FGF7: variants seen among roughly 807,000 people sequenced by gnomAD.
The protein encoded by FGF7 is FGF-7.
In FGF7, 6 loss-of-function variants were observed where a neutral mutation model predicts 20.5. That is an observed-to-expected ratio of 0.29 (90% CI 0.16 to 0.58). The LOEUF (loss-of-function observed/expected upper bound fraction) is 0.58. Among genes scored for constraint, FGF7 ranks in the 20% least tolerant of loss-of-function variants. The probability of loss-of-function intolerance (pLI) is 0.90; values close to 1 mark genes in which losing one functional copy is unlikely to be tolerated. For missense variants in FGF7, 144 were observed against 228.8 expected (o/e 0.63, Z 2.39); for synonymous variants, 64 against 74.7 (o/e 0.86, Z 0.74).
At chr15:49,427,637 A>AG (rs2050240339) in intron 2 of FGF7, among the ~76,000 whole-genome samples, 1 of 152,100 alleles carries the variant, frequency 6.6e-6, no homozygotes, top group South Asian at 2.1e-4. Flanking sequence ...TTTTCTCATG[A>AG]CTTTTTTTTG....
chr15:49,451,776 G>A (rs1316571657), intron 2 of FGF7, among the ~76,000 whole-genome samples: 1 of 152,072 alleles, frequency 6.6e-6, no homozygotes, highest in Non-Finnish European at 1.5e-5. Flanking sequence ...CACTTGTTAA[G>A]TAAGTTTTAA....
chr15:49,451,153 A>C (rs79150760), intron 2 of FGF7, among the ~76,000 whole-genome samples: 2,142 of 152,218 alleles, frequency 0.014, 31 homozygotes, highest in Non-Finnish European at 0.017. Flanking sequence ...TTGTTTCCAA[A>C]ATATTAACTA....
At chr15:49,437,793 T>C (rs1178621351) in intron 2 of FGF7, among the ~76,000 whole-genome samples, 2 of 151,706 alleles carry the variant, frequency 1.3e-5, no homozygotes, top group African/African-American at 2.4e-5. Flanking sequence ...ATTCAGCCTA[T>C]GTGTGGATAC....
Position 49,470,570 on chromosome 15 carries a change from C to T in FGF7, c.287-12581C>T, listed in dbSNP as rs139567411. 9.8e-3 allele frequency among the ~76,000 whole-genome samples: 1,486 copies of T among 152,232 alleles called. 26 individuals are homozygous for T. The highest frequency in any genetic ancestry group is 0.034 in the African/African-American group (1,406 of 41,516). On this transcript the variant is annotated intron_variant, in intron 2 of 3. Coordinates refer to ENST00000267843, the MANE Select transcript of FGF7 (RefSeq NM_002009.4). ...TAGCATCCCCTTAACTTTTATGATA[C>T]CTTAATTCTCAAAATGACCTGTGTT...
chr15:49,481,718 T>C (rs1168559015), intron 2 of FGF7, among the ~76,000 whole-genome samples: 1 of 152,236 alleles, frequency 6.6e-6, no homozygotes, highest in African/African-American at 2.4e-5. Flanking sequence ...AGTAGGGTTG[T>C]ATGCATTGTG....
chr15:49,480,609 G>A (rs1408244551), intron 2 of FGF7, among the ~76,000 whole-genome samples: 2 of 151,502 alleles, frequency 1.3e-5, no homozygotes, highest in Admixed American at 6.6e-5. Flanking sequence ...AGCCTCCTGA[G>A]TAGCTGGGAT....
intron 2 of FGF7, among the ~76,000 whole-genome samples, chr15:49,425,849 G>A (rs1000156155): frequency 2.0e-5 from 3 of 151,626 alleles, no homozygotes; most frequent in Admixed American, 2.0e-4. Context: ...AAGGTATCAT[G>A]TTAGTTCTAG....
intron 2 of FGF7, among the ~76,000 whole-genome samples, chr15:49,479,869 C>A (rs2055762615): frequency 6.6e-6 from 1 of 152,174 alleles, no homozygotes; most frequent in African/African-American, 2.4e-5. Flanking sequence ...CCGCGTTGGC[C>A]TCCCAAAGTG....
At chr15:49,474,898 CCT>C (rs371891318) in intron 2 of FGF7, among the ~76,000 whole-genome samples, 119 of 152,232 alleles carry the variant, frequency 7.8e-4, no homozygotes, top group African/African-American at 2.7e-3. Flanking sequence ...GCTCCCGTCC[CCT>C]GACTGTTGGT....
intron 2 of FGF7, among the ~76,000 whole-genome samples, chr15:49,428,594 G>A (rs1356815205): frequency 1.3e-5 from 2 of 151,960 alleles, no homozygotes; most frequent in East Asian, 3.9e-4. Flanking sequence ...TTGAGGTGCC[G>A]AGTGAGAGAA....
chr15:49,479,504 CTT>C (rs892359673), intron 2 of FGF7, among the ~76,000 whole-genome samples: 69 of 150,776 alleles, frequency 4.6e-4, no homozygotes, highest in African/African-American at 1.6e-3. Flanking sequence ...TGGTAACTAA[CTT>C]AATATCTGCA....
chr15:49,429,596 A>G (rs998275780), intron 2 of FGF7, among the ~76,000 whole-genome samples: 4 of 151,908 alleles, frequency 2.6e-5, no homozygotes, highest in African/African-American at 9.7e-5. Context: ...AGATATATTG[A>G]AAGGGTTGCC....
rs894195630 is a variant in FGF7 at position 49,423,419 on chromosome 15, C to A, written c.-288C>A. ...CAACAGACATGGAATTCTTATATAT[C>A]CAGCTGTTAGCAACAAAACAAGTAA... On this transcript the variant is annotated 5_prime_UTR_variant, in exon 1 of 4. Transcript: ENST00000267843. The A allele has an allele frequency of 2.0e-5, 3 of 152,136 alleles. No individual in the cohort carries two copies. The highest frequency in any genetic ancestry group is 7.2e-5 in the African/African-American group (3 of 41,436). 9.4% of individuals were successfully genotyped at this position (152,136 alleles called of 1,614,324 possible).
At chr15:49,472,309 G>A (rs1309776559) in intron 2 of FGF7, among the ~76,000 whole-genome samples, 4 of 152,146 alleles carry the variant, frequency 2.6e-5, no homozygotes, top group African/African-American at 4.8e-5. Context: ...TTAGCTCACC[G>A]TTCCATAATC....
intron 2 of FGF7, among the ~76,000 whole-genome samples, chr15:49,450,673 C>G (rs933955834): frequency 6.6e-6 from 1 of 152,112 alleles, no homozygotes; most frequent in African/African-American, 2.4e-5. Flanking sequence ...ACAAAAACTT[C>G]CTTATGCCTC....
At chr15:49,423,495 A>T (rs1163864264) in intron 1 of FGF7, 55 bp downstream of exon 1, 1 of 152,148 alleles carries the variant, frequency 6.6e-6, no homozygotes, top group African/African-American at 2.4e-5. Flanking sequence ...CTAAAAGTTT[A>T]TCTCTTTTTC....
chr15:49,488,045 A>C lies in FGF7; in HGVS notation c.*3541A>C, dbSNP rs2056551572. ...CATAGGAGTGATAACAAAAATATTT[A>C]ACAGTCAGTATGGGTGATTACTGGC... On this transcript the variant is annotated 3_prime_UTR_variant, in exon 4 of 4. Transcript: ENST00000267843. The C allele has an allele frequency of 6.6e-6, 1 of 151,994 alleles. No individual in the cohort carries two copies. The highest frequency in any genetic ancestry group is 6.6e-5 in the Admixed American group (1 of 15,216). The allele number at this position is 151,994 out of a possible 1,614,324, so 9.4% of individuals were successfully genotyped here. A position where few individuals can be genotyped will look rare whatever the true frequency, so the allele number is the denominator to read the frequency against.
chr15:49,473,114 C>A (rs1045763112), intron 2 of FGF7, among the ~76,000 whole-genome samples: 16 of 152,018 alleles, frequency 1.1e-4, no homozygotes, highest in African/African-American at 3.9e-4. Flanking sequence ...TTTTTAAAAA[C>A]ATTTTTGTAT....
intron 2 of FGF7, among the ~76,000 whole-genome samples, chr15:49,468,688 A>G (rs914202561): frequency 6.6e-6 from 1 of 152,216 alleles, no homozygotes; most frequent in African/African-American, 2.4e-5. Context: ...GTGAAAGTCA[A>G]TAAAGAAATG....
Sources: gnomAD v4.1 joint callset for allele counts (sites outside exome capture counted in the v4.1 genomes callset) on GRCh38, gnomAD v4.1.1 for gene constraint, MANE v1.5 for transcripts, NCBI Gene and HGNC (gene_info 2026-07-23, HGNC 2026-07-21) for gene names.